LPAR3: variants seen among roughly 807,000 people sequenced by gnomAD.
LPAR3 encodes the protein lysophosphatidic acid receptor 3.
In LPAR3, 7 loss-of-function variants were observed where a neutral mutation model predicts 17.8. That is an observed-to-expected ratio of 0.39 (90% CI 0.22 to 0.74). LPAR3 has a LOEUF of 0.74. Ranked by LOEUF, LPAR3 falls within the 30% of genes least tolerant of loss-of-function variation. The pLI, the probability that LPAR3 is intolerant of heterozygous loss-of-function variation, is 0.40. For missense variants in LPAR3, 391 were observed against 453.4 expected, an observed-to-expected ratio of 0.86 and a Z score of 1.25; for synonymous variants, 179 against 179.9, an observed-to-expected ratio of 0.99 and a Z score of 0.04.
chr1:84,833,488 T>C (rs116307788), intron 2 of LPAR3, among the ~76,000 whole-genome samples: 2,866 of 152,242 alleles, frequency 0.019, 75 homozygotes, highest in African/African-American at 0.064. Flanking sequence ...CCCTCCAGCA[T>C]TGGGTCACCG....
chr1:84,818,985 C>T (rs535875211), intron 2 of LPAR3, among the ~76,000 whole-genome samples: 1 of 151,052 alleles, frequency 6.6e-6, no homozygotes, highest in East Asian at 1.9e-4. Context: ...TTTTCATTTC[C>T]TTTGGTTTCA....
chr1:84,850,155 C>A (rs1046333432), intron 2 of LPAR3, among the ~76,000 whole-genome samples: 1 of 152,078 alleles, frequency 6.6e-6, no homozygotes, highest in African/African-American at 2.4e-5. Flanking sequence ...AGTGGCACAT[C>A]TCCCCTGCCT....
intron 2 of LPAR3, 120 bp downstream of exon 2, chr1:84,865,260 TTTATG>T (rs1660017274): frequency 9.3e-7 from 1 of 1,079,112 alleles, no homozygotes; most frequent in Non-Finnish European, 1.3e-6. Flanking sequence ...TGGGTGGCGA[TTTATG>T]TCCGTTCTTG....
chr1:84,830,996 T>C (rs767483677), intron 2 of LPAR3, among the ~76,000 whole-genome samples: 5 of 152,198 alleles, frequency 3.3e-5, no homozygotes, highest in African/African-American at 9.6e-5. Context: ...ATGTGGCTCA[T>C]AGGGCACTTA....
intron 1 of LPAR3, among the ~76,000 whole-genome samples, chr1:84,880,644 C>A (rs1440796704): frequency 6.6e-6 from 1 of 152,140 alleles, no homozygotes; most frequent in Non-Finnish European, 1.5e-5. Context: ...ATAAGTCATG[C>A]TTAAGAGCTT....
At chr1:84,882,139 C>G (rs999158937) in intron 1 of LPAR3, among the ~76,000 whole-genome samples, 14 of 152,156 alleles carry the variant, frequency 9.2e-5, no homozygotes, top group African/African-American at 3.4e-4. Flanking sequence ...AGTAAAGTTG[C>G]AGGATACAAA....
intron 2 of LPAR3, among the ~76,000 whole-genome samples, chr1:84,819,537 A>T (rs993467566): frequency 2.6e-5 from 4 of 152,326 alleles, no homozygotes; most frequent in Non-Finnish European, 5.9e-5. Context: ...GGTTTAATCA[A>T]GCTGACTCCA....
At chr1:84,822,203 T>C (rs1157833617) in intron 2 of LPAR3, among the ~76,000 whole-genome samples, 1 of 152,206 alleles carries the variant, frequency 6.6e-6, no homozygotes, top group East Asian at 1.9e-4. Flanking sequence ...AAGCAATTTT[T>C]TTTTATTTTA....
At chr1:84,849,390 A>G (rs541364939) in intron 2 of LPAR3, among the ~76,000 whole-genome samples, 52 of 151,206 alleles carry the variant, frequency 3.4e-4, no homozygotes, top group African/African-American at 1.2e-3. Context: ...AAAAAAAAAA[A>G]AAAGAAAGAA....
chr1:84,852,596 C>T (rs1021225797), intron 2 of LPAR3, among the ~76,000 whole-genome samples: 2 of 152,156 alleles, frequency 1.3e-5, no homozygotes, highest in African/African-American at 4.8e-5. Flanking sequence ...AGATTGGGAT[C>T]TCCTGAAAGG....
intron 2 of LPAR3, among the ~76,000 whole-genome samples, chr1:84,816,532 C>T (rs932719373): frequency 2.6e-5 from 4 of 152,160 alleles, no homozygotes; most frequent in Non-Finnish European, 5.9e-5. Flanking sequence ...GGCGTGGTGG[C>T]TCACATCTAT....
intron 2 of LPAR3, among the ~76,000 whole-genome samples, chr1:84,858,650 C>T (rs901682849): frequency 6.6e-6 from 1 of 152,108 alleles, no homozygotes; most frequent in Non-Finnish European, 1.5e-5. Context: ...CTTACCTTCC[C>T]CTCAGCCTCA....
chr1:84,887,182 T>G (rs902688071), intron 1 of LPAR3, among the ~76,000 whole-genome samples: 1 of 149,578 alleles, frequency 6.7e-6, no homozygotes, highest in African/African-American at 2.5e-5. Context: ...TTGGGCACCA[T>G]GGTGAAACCA....
chr1:84,830,763 C>T (rs1255658386), intron 2 of LPAR3, among the ~76,000 whole-genome samples: 1 of 152,116 alleles, frequency 6.6e-6, no homozygotes, highest in Admixed American at 6.5e-5. Context: ...GTGCTCCCTG[C>T]CAGGATTTCA....
chr1:84,848,948 C>A (rs1255662766), intron 2 of LPAR3, among the ~76,000 whole-genome samples: 1 of 152,140 alleles, frequency 6.6e-6, no homozygotes, highest in Non-Finnish European at 1.5e-5. Context: ...CATCTTTCAA[C>A]AGAACAGTAC....
chr1:84,822,231 T>C (rs565652993), intron 2 of LPAR3, among the ~76,000 whole-genome samples: 14 of 152,218 alleles, frequency 9.2e-5, no homozygotes, highest in Admixed American at 2.0e-4. Flanking sequence ...TCTACATTCC[T>C]TCAGTACCTG....
intron 1 of LPAR3, among the ~76,000 whole-genome samples, chr1:84,874,523 A>G (rs1557607058): frequency 6.6e-6 from 1 of 152,244 alleles, no homozygotes; most frequent in Non-Finnish European, 1.5e-5. Context: ...TGTCTTAAGC[A>G]TATTCATTAA....
At chr1:84,875,057 G>A (rs1660230437) in intron 1 of LPAR3, among the ~76,000 whole-genome samples, 1 of 152,036 alleles carries the variant, frequency 6.6e-6, no homozygotes, top group African/African-American at 2.4e-5. Flanking sequence ...AAGCCACCAT[G>A]CCCGGCTAGT....
intron 2 of LPAR3, among the ~76,000 whole-genome samples, chr1:84,828,610 G>A (rs559489118): frequency 5.6e-4 from 85 of 152,234 alleles, no homozygotes; most frequent in Non-Finnish European, 1.0e-3. Context: ...CCAGAGGTGC[G>A]AGCATGGACT....
Sources: allele counts gnomAD v4.1 joint callset (sites outside exome capture counted in the v4.1 genomes callset), GRCh38; gene constraint gnomAD v4.1.1; transcripts MANE v1.5; gene names NCBI Gene and HGNC (gene_info 2026-07-23, HGNC 2026-07-21).